Variants in CCNY observed in about 807,000 individuals in gnomAD.
CCNY encodes cyclin Y.
In CCNY, 19 loss-of-function variants were observed where a neutral mutation model predicts 42.8. That is an observed-to-expected ratio of 0.44 (90% CI 0.31 to 0.65). CCNY has a LOEUF of 0.65. Ranked by LOEUF, CCNY falls within the 30% of genes least tolerant of loss-of-function variation. CCNY has a pLI of 0.07. For synonymous variants in CCNY, 165 were observed against 162.7 expected, an observed-to-expected ratio of 1.01 and a Z score of -0.11; for missense variants, 370 against 437.3, an observed-to-expected ratio of 0.85 and a Z score of 1.37.
At chr10:35,524,661 CAA>C (rs1808792189) in intron 4 of CCNY, among the ~76,000 whole-genome samples, 1 of 152,052 alleles carries the variant, frequency 6.6e-6, no homozygotes, top group African/African-American at 2.4e-5. Flanking sequence ...ATGTAAAACA[CAA>C]ATAGTGGAAG....
intron 1 of CCNY, among the ~76,000 whole-genome samples, chr10:35,415,763 G>A (rs1187233945): frequency 6.6e-6 from 1 of 152,136 alleles, no homozygotes; most frequent in Non-Finnish European, 1.5e-5. Context: ...GGAATGTGTG[G>A]CCCCACTCAG....
At chr10:35,308,743 G>A (rs1055902540) in intron 3 of CCNY, among the ~76,000 whole-genome samples, 1 of 152,190 alleles carries the variant, frequency 6.6e-6, no homozygotes, top group Non-Finnish European at 1.5e-5. Flanking sequence ...TTGAGAGAAG[G>A]CAGCCAGACA....
chr10:35,376,357 C>T (rs1837052160), intron 1 of CCNY, among the ~76,000 whole-genome samples: 1 of 152,168 alleles, frequency 6.6e-6, no homozygotes, highest in African/African-American at 2.4e-5. Flanking sequence ...AAAATGTATA[C>T]ACAAATGTAC....
At chr10:35,277,816 G>C (rs1337874639) in intron 3 of CCNY, among the ~76,000 whole-genome samples, 1 of 152,098 alleles carries the variant, frequency 6.6e-6, no homozygotes, top group Non-Finnish European at 1.5e-5. Flanking sequence ...GGTATTCAGG[G>C]GGGATTTCCT....
At chr10:35,490,627 T>C (rs1270806306) in intron 2 of CCNY, among the ~76,000 whole-genome samples, 1 of 152,180 alleles carries the variant, frequency 6.6e-6, no homozygotes, top group African/African-American at 2.4e-5. Flanking sequence ...CACTGTGATA[T>C]CTGTAAACCC....
chr10:35,281,627 ATAT>A lies in CCNY; in HGVS notation c.-9+31009_-9+31011del, dbSNP rs1184950667. Among the ~76,000 whole-genome samples, 3 of 152,246 alleles carry A rather than the reference ATAT, an allele frequency of 2.0e-5. 1 individual carries two copies. Among genetic ancestry groups the A allele is most frequent in the East Asian group, 1.9e-4 (1 of 5,182 alleles). On this transcript the variant is annotated intron_variant, in intron 3 of 11. Coordinates refer to the CCNY transcript ENST00000374706. ...CTTGTACAGGAATTTTCATAGTAGC[ATAT>A]TATTATTCATAATAGCTAAATAATG...
At chr10:35,313,633 G>C (rs549525134) in intron 3 of CCNY, among the ~76,000 whole-genome samples, 12 of 152,308 alleles carry the variant, frequency 7.9e-5, no homozygotes, top group African/African-American at 2.9e-4. Flanking sequence ...TCAGAGTAGG[G>C]AGAGACCACA....
chr10:35,251,785 C>T (rs991579962), intron 3 of CCNY, among the ~76,000 whole-genome samples: 1 of 151,816 alleles, frequency 6.6e-6, no homozygotes, highest in African/African-American at 2.4e-5. Flanking sequence ...GATGGAGTTT[C>T]ATTATGTTGC....
intron 1 of CCNY, among the ~76,000 whole-genome samples, chr10:35,381,965 AGTT>A (rs1287996504): frequency 1.3e-5 from 2 of 152,348 alleles, no homozygotes; most frequent in East Asian, 3.9e-4. Context: ...CATTTAAGAC[AGTT>A]GTTTTAAAAC....
chr10:35,372,366 A>T (rs1327350885), intron 1 of CCNY, among the ~76,000 whole-genome samples: 1 of 152,224 alleles, frequency 6.6e-6, no homozygotes, highest in Non-Finnish European at 1.5e-5. Context: ...TACTCTTCCA[A>T]AAGTCAGTCT....
chr10:35,467,995 T>C (rs1839305065), intron 1 of CCNY, among the ~76,000 whole-genome samples: 1 of 152,248 alleles, frequency 6.6e-6, no homozygotes, highest in Non-Finnish European at 1.5e-5. Flanking sequence ...ATCTATTGAA[T>C]TGTAGATTTC....
intron 1 of CCNY, among the ~76,000 whole-genome samples, chr10:35,365,363 A>G (rs1234350854): frequency 2.0e-5 from 3 of 152,332 alleles, no homozygotes; most frequent in South Asian, 2.1e-4. Flanking sequence ...TTACTGCAGT[A>G]TTAATATCTT....
intron 2 of CCNY, among the ~76,000 whole-genome samples, chr10:35,492,397 C>A (rs923541277): frequency 6.6e-6 from 1 of 152,206 alleles, no homozygotes. Context: ...AGACACCTTT[C>A]CTTGGCTGGA....
chr10:35,513,831 C>T (rs754258425), intron 3 of CCNY, among the ~76,000 whole-genome samples: 3 of 152,114 alleles, frequency 2.0e-5, no homozygotes, highest in Admixed American at 6.5e-5. Flanking sequence ...TGCATGTGCA[C>T]GCACATGTAC....
intron 2 of CCNY, among the ~76,000 whole-genome samples, chr10:35,494,879 A>G (rs1245482652): frequency 1.3e-5 from 2 of 152,228 alleles, no homozygotes; most frequent in Admixed American, 1.3e-4. Context: ...ACATCAGAAT[A>G]TTAATAGTGA....
At chr10:35,488,392 T>G (rs1386649470) in intron 2 of CCNY, among the ~76,000 whole-genome samples, 1 of 152,056 alleles carries the variant, frequency 6.6e-6, no homozygotes, top group East Asian at 1.9e-4. Flanking sequence ...AACTTTCCAC[T>G]GCCCTGTCGG....
At chr10:35,373,772 A>C (rs1476366964) in intron 1 of CCNY, among the ~76,000 whole-genome samples, 1 of 150,730 alleles carries the variant, frequency 6.6e-6, no homozygotes, top group Non-Finnish European at 1.5e-5. Flanking sequence ...CATATACAAA[A>C]TATGTATTAA....
In CCNY at chr10:35,337,222, C is replaced by T; in HGVS notation, c.154+15C>T. 1 of 1,510,018 alleles carries T rather than the reference C, an allele frequency of 6.6e-7. No individual in the cohort carries two copies. The highest frequency in any genetic ancestry group is 8.9e-7 in the Non-Finnish European group (1 of 1,124,724). The allele number at this position is 1,510,018 out of a possible 1,614,324, so 93.5% of individuals were successfully genotyped here. A position where few individuals can be genotyped will look rare whatever the true frequency, so the allele number is the denominator to read the frequency against. Reference sequence around the variant, plus strand: ...GAACATAGACGGTGAGTGCGGCCCGCCGAGCCCCCTACCCGCCCCCGCGGC... The same window carrying T: ...GAACATAGACGGTGAGTGCGGCCCGTCGAGCCCCCTACCCGCCCCCGCGGC... On this transcript the variant is annotated intron_variant, in intron 1 of 9. Transcript: ENST00000374704.
intron 9 of CCNY, 80 bp from the exon 10 acceptor site, chr10:35,568,974 C>T (rs1841628255): frequency 2.2e-6 from 2 of 894,134 alleles, no homozygotes; most frequent in South Asian, 1.4e-5. Context: ...CCTCATGCAG[C>T]GCCCTCGGCG....
Sources: gnomAD v4.1 joint callset for allele counts (sites outside exome capture counted in the v4.1 genomes callset) on GRCh38, gnomAD v4.1.1 for gene constraint, MANE v1.5 for transcripts, NCBI Gene and HGNC (gene_info 2026-07-23, HGNC 2026-07-21) for gene names.